LRBA: variants seen among roughly 807,000 people sequenced by gnomAD.
LRBA encodes the protein LPS responsive beige-like anchor protein, also known as lipopolysaccharide-responsive and beige-like anchor protein.
LRBA carries 176 observed loss-of-function variants against 330.0 expected under a neutral mutation model. The observed-to-expected ratio is 0.53, with a 90% confidence interval of 0.47 to 0.60. The LOEUF is 0.60. Among genes scored for constraint, LRBA ranks in the 20% least tolerant of loss-of-function variants. The pLI, the probability that LRBA is intolerant of heterozygous loss-of-function variation, is 0.00. For synonymous variants in LRBA, 1,230 were observed against 1,193.0 expected (o/e 1.03, Z -0.64); for missense variants, 3,259 against 3,444.8 (o/e 0.95, Z 1.35).
At chr4:150,399,415 T>C (rs949024794) in intron 47 of LRBA, among the ~76,000 whole-genome samples, 4 of 152,198 alleles carry the variant, frequency 2.6e-5, no homozygotes, top group Admixed American at 2.0e-4. Flanking sequence ...CTGATACTTT[T>C]TGAAGACTCA....
At chr4:150,859,941 G>T (rs528956303) in intron 22 of LRBA, among the ~76,000 whole-genome samples, 10 of 152,220 alleles carry the variant, frequency 6.6e-5, no homozygotes, top group South Asian at 2.1e-4. Flanking sequence ...TTAGAGAAAA[G>T]AAAATTTTGT....
chr4:150,444,507 C>T (rs748246163), intron 44 of LRBA, among the ~76,000 whole-genome samples: 4 of 152,166 alleles, frequency 2.6e-5, no homozygotes, highest in Non-Finnish European at 5.9e-5. Flanking sequence ...TCAGCATTTT[C>T]ACTCAACCTT....
intron 2 of LRBA, among the ~76,000 whole-genome samples, chr4:150,940,996 C>A (rs1157410852): frequency 1.3e-5 from 2 of 152,042 alleles, no homozygotes; most frequent in African/African-American, 4.8e-5. Context: ...ACTGACTCCT[C>A]ATGCTGTGCT....
At chr4:150,444,674 A>G (rs901237776) in intron 44 of LRBA, among the ~76,000 whole-genome samples, 1 of 152,226 alleles carries the variant, frequency 6.6e-6, no homozygotes, top group African/African-American at 2.4e-5. Flanking sequence ...TTTGTTGTCA[A>G]GTACCAGAAC....
chr4:150,311,592 G>A (rs1033830396), intron 51 of LRBA, among the ~76,000 whole-genome samples: 7 of 152,100 alleles, frequency 4.6e-5, no homozygotes, highest in African/African-American at 1.2e-4. Flanking sequence ...CACACAACAC[G>A]GCACACACGT....
At chr4:150,467,491 G>C (rs1324478731) in intron 44 of LRBA, among the ~76,000 whole-genome samples, 182 bp downstream of exon 44, 1 of 152,048 alleles carries the variant, frequency 6.6e-6, no homozygotes, top group African/African-American at 2.4e-5. Context: ...CATCACAAAA[G>C]AGAAGTAGTG....
chr4:150,528,662 G>C (rs78339603), intron 40 of LRBA, among the ~76,000 whole-genome samples: 5,226 of 152,122 alleles, frequency 0.034, 179 homozygotes, highest in Non-Finnish European at 0.046. Context: ...CAAGGAACGA[G>C]GTAGAGGATT....
At chr4:150,908,556 T>G (rs1177482787) in intron 10 of LRBA, 89 bp from the exon 11 acceptor site, 74 of 1,446,546 alleles carry the variant, frequency 5.1e-5, no homozygotes, top group Non-Finnish European at 4.9e-5. Flanking sequence ...GCAGAAACAC[T>G]ATAAACGTGA....
chr4:150,888,756 T>C (rs1235987626), intron 17 of LRBA, among the ~76,000 whole-genome samples: 2 of 151,768 alleles, frequency 1.3e-5, no homozygotes, highest in African/African-American at 4.8e-5. Context: ...AGAAAACAAA[T>C]AAAATGGTAG....
At chr4:150,924,416 G>C (rs1733656653) in intron 4 of LRBA, among the ~76,000 whole-genome samples, 1 of 152,068 alleles carries the variant, frequency 6.6e-6, no homozygotes, top group South Asian at 2.1e-4. Context: ...GGAAAGCTGA[G>C]GTGGGAGGAT....
rs957965413 is a variant in LRBA, at chr4:150,964,840, T to A, written c.217-35775A>T. Among the ~76,000 whole-genome samples, 3 of 151,778 alleles carry A rather than the reference T, an allele frequency of 2.0e-5. No homozygotes were observed. The South Asian group carries it at 6.3e-4, about 32-fold the overall frequency. On this transcript the variant is annotated intron_variant, in intron 2 of 56. Coordinates refer to ENST00000651943, the MANE Select transcript of LRBA (RefSeq NM_001364905.1). ...TCAATAAATACTAAAATAAAAAAAT[T>A]AAAAAAAATGAATTTAAAAATGAGC...
In LRBA at chr4:150,545,403, T is replaced by A. The variant is rs555857415; in HGVS notation, c.6330+42645A>T. ...CTGAAATTTCATATCCTTCGTGATATCTGAAACCTATCAGTTAAATTCATT... is the reference window on the plus strand; with the variant it reads ...CTGAAATTTCATATCCTTCGTGATAACTGAAACCTATCAGTTAAATTCATT... On this transcript the variant is annotated intron_variant, in intron 40 of 56. Coordinates refer to ENST00000651943, the MANE Select transcript of LRBA (RefSeq NM_001364905.1). Among the ~76,000 whole-genome samples the A allele has an allele frequency of 8.5e-5, 13 of 152,306 alleles. No individual in the cohort carries two copies. The South Asian group carries it at 2.7e-3, about 32-fold the overall frequency.
chr4:150,584,179 C>T, intron 40 of LRBA: 1 of 1,430,536 alleles, frequency 7.0e-7, no homozygotes, highest in Non-Finnish European at 9.2e-7. Context: ...CTGCTATAAA[C>T]AGCAGAAACT....
At chr4:150,487,257 A>T (rs1757991926) in intron 42 of LRBA, among the ~76,000 whole-genome samples, 1 of 150,664 alleles carries the variant, frequency 6.6e-6, no homozygotes, top group Non-Finnish European at 1.5e-5. Context: ...TACCATTATG[A>T]TATATATTAT....
chr4:150,311,591 C>T (rs1021599231), intron 51 of LRBA, among the ~76,000 whole-genome samples: 11 of 152,132 alleles, frequency 7.2e-5, no homozygotes, highest in South Asian at 2.1e-4. Flanking sequence ...ACACACAACA[C>T]GGCACACACG....
chr4:150,836,952 A>G lies in LRBA; in HGVS notation c.4570-4976T>C, dbSNP rs374555444. Among the ~76,000 whole-genome samples, 18 of 152,268 alleles carry G rather than the reference A, an allele frequency of 1.2e-4. No homozygotes were observed. In the East Asian group the frequency reaches 1.9e-3, roughly 16 times the overall value. On this transcript the variant is annotated intron_variant, in intron 28 of 56. Coordinates refer to ENST00000651943, the MANE Select transcript of LRBA (RefSeq NM_001364905.1). ...CATTTAGTGCTATAAATTTCCCTCT[A>G]CACACTGCTTTAAATGTGTCCCAGA...
chr4:150,413,450 T>C (rs1040388972), intron 47 of LRBA, among the ~76,000 whole-genome samples: 2 of 152,044 alleles, frequency 1.3e-5, no homozygotes, highest in Non-Finnish European at 2.9e-5. Context: ...TATACAGCAA[T>C]ACAAAGAAAT....
intron 37 of LRBA, among the ~76,000 whole-genome samples, chr4:150,609,850 G>C (rs115212771): frequency 1.6e-4 from 25 of 152,306 alleles, no homozygotes; most frequent in East Asian, 5.8e-4. Context: ...GATGGCATTG[G>C]GGGTAGGAGG....
intron 37 of LRBA, among the ~76,000 whole-genome samples, chr4:150,599,973 T>C (rs1339661915): frequency 6.6e-6 from 1 of 152,140 alleles, no homozygotes; most frequent in African/African-American, 2.4e-5. Context: ...TTTGGAAATG[T>C]ATTTTTTAAA....
Sources: allele counts gnomAD v4.1 joint callset (sites outside exome capture counted in the v4.1 genomes callset), GRCh38; gene constraint gnomAD v4.1.1; transcripts MANE v1.5; gene names NCBI Gene and HGNC (gene_info 2026-07-23, HGNC 2026-07-21).